KDM2A: variants seen among roughly 807,000 people sequenced by gnomAD.
KDM2A encodes lysine-specific demethylase 2A.
Under a neutral mutation model 137.3 loss-of-function variants are expected in KDM2A, and 3 were observed. That is an observed-to-expected ratio of 0.02 (90% CI 0.01 to 0.06). The LOEUF (loss-of-function observed/expected upper bound fraction) is 0.06. KDM2A is among the 10% of genes least tolerant of loss of function. The probability of loss-of-function intolerance (pLI) is 1.00; values close to 1 mark genes in which losing one functional copy is unlikely to be tolerated. For missense variants in KDM2A, 738 were observed against 1,510.6 expected (o/e 0.49, Z 8.48); for synonymous variants, 512 against 541.5 (o/e 0.95, Z 0.76).
chr11:67,200,119 A>C (rs1459174155), intron 5 of KDM2A, among the ~76,000 whole-genome samples: 1 of 151,810 alleles, frequency 6.6e-6, no homozygotes, highest in Admixed American at 6.6e-5. Context: ...TGCTCAGGAA[A>C]AAAGGTTCCT....
intron 2 of KDM2A, among the ~76,000 whole-genome samples, chr11:67,145,921 G>A (rs1012766546): frequency 5.3e-5 from 8 of 149,684 alleles, no homozygotes; most frequent in African/African-American, 9.8e-5. Flanking sequence ...AACTGTATCC[G>A]GGAGATTTTC....
At chr11:67,252,886 C>T (rs1859477696) in intron 18 of KDM2A, 29 bp downstream of exon 18, 1 of 1,580,742 alleles carries the variant, frequency 6.3e-7, no homozygotes, top group African/African-American at 1.4e-5. Context: ...CGCTGTCTTT[C>T]CAGGGGCCCA....
intron 10 of KDM2A, among the ~76,000 whole-genome samples, chr11:67,221,072 AGGCAGCAGGCCAAATCC>A: frequency 6.6e-6 from 1 of 152,028 alleles, no homozygotes; most frequent in African/African-American, 2.4e-5. Flanking sequence ...TCATAAAAAG[AGGCAGCAGGCCAAATCC>A]ACTAAGTGTT....
intron 2 of KDM2A, among the ~76,000 whole-genome samples, chr11:67,126,792 G>A (rs1163230522): frequency 6.6e-6 from 1 of 152,090 alleles, no homozygotes; most frequent in Non-Finnish European, 1.5e-5. Context: ...TTTGAAGATG[G>A]TGTGTATGTG....
intron 2 of KDM2A, among the ~76,000 whole-genome samples, chr11:67,141,020 T>C (rs1043842589): frequency 3.3e-5 from 5 of 152,148 alleles, no homozygotes; most frequent in African/African-American, 7.2e-5. Flanking sequence ...AAGTCAAAGG[T>C]TGATAAATAC....
At chr11:67,146,283 G>A (rs970986755) in intron 2 of KDM2A, among the ~76,000 whole-genome samples, 9 of 151,818 alleles carry the variant, frequency 5.9e-5, no homozygotes, top group Non-Finnish European at 2.9e-5. Flanking sequence ...ATGAGCCACC[G>A]CACCTGGCCC....
At chr11:67,215,822 C>G (rs753030722) in intron 7 of KDM2A, 34 bp from the exon 8 acceptor site, 2 of 1,528,506 alleles carry the variant, frequency 1.3e-6, no homozygotes, top group South Asian at 1.1e-5. Flanking sequence ...TTTTTTCCAT[C>G]AGTACACTAA....
chr11:67,232,345 A>G (rs1858741658), intron 12 of KDM2A, among the ~76,000 whole-genome samples: 1 of 152,236 alleles, frequency 6.6e-6, no homozygotes, highest in Non-Finnish European at 1.5e-5. Context: ...ATTGAGAGAA[A>G]TGAAATTGTT....
Position 67,257,666 on chromosome 11 carries a change from T to C in KDM2A, c.*2611T>C, listed in dbSNP as rs1446670928. The C allele has an allele frequency of 3.3e-5, 5 of 152,266 alleles. No individual in the cohort carries two copies. The highest frequency in any genetic ancestry group is 1.3e-4 in the Admixed American group (2 of 15,280). The allele number at this position is 152,266 out of a possible 1,614,324, so 9.4% of individuals were successfully genotyped here. ...TAAATAAAACTCCTAAAGTCACTTA[T>C]GTTTAAAGGGTTTGGTTGTGTTTTT... On this transcript the variant is annotated 3_prime_UTR_variant, in exon 21 of 21. Transcript: ENST00000529006.
chr11:67,232,174 T>G (rs908207494), intron 12 of KDM2A, among the ~76,000 whole-genome samples: 6 of 152,244 alleles, frequency 3.9e-5, no homozygotes, highest in Admixed American at 3.9e-4. Context: ...ATGTGTTCAT[T>G]GAAGACTTAT....
In KDM2A at chr11:67,254,858, T is replaced by G; in HGVS notation, c.3308-16T>G. The G allele has an allele frequency of 1.2e-6, 2 of 1,611,834 alleles. No homozygotes were observed. The highest frequency in any genetic ancestry group is 1.7e-6 in the Non-Finnish European group (2 of 1,178,096). On this transcript the variant is annotated splice_polypyrimidine_tract_variant and intron_variant, in intron 20 of 20. Coordinates refer to ENST00000529006, the MANE Select transcript of KDM2A (RefSeq NM_012308.3). This position sits in a 1 kb window ranked among gnomAD's most constrained non-coding sequence, Gnocchi z 4.7. Reference sequence around the variant, plus strand: ...TGTGTATGTGAGCACTGTCATTATGTCCACTTTCCCGACAGGTTGCAATAA... The same window carrying G: ...TGTGTATGTGAGCACTGTCATTATGGCCACTTTCCCGACAGGTTGCAATAA...
At chr11:67,170,542 A>G (rs2136325983) in intron 2 of KDM2A, among the ~76,000 whole-genome samples, 1 of 150,800 alleles carries the variant, frequency 6.6e-6, no homozygotes, top group East Asian at 2.0e-4. Flanking sequence ...CCTCCCGAGT[A>G]GCTGGGACTG....
chr11:67,252,188 C>G (rs1336222496), intron 17 of KDM2A: 1 of 165,268 alleles, frequency 6.1e-6, no homozygotes, highest in Admixed American at 5.7e-5. Context: ...TGACCTGATA[C>G]AGTAATGGGC....
At chr11:67,157,741 G>A (rs536809224) in intron 2 of KDM2A, among the ~76,000 whole-genome samples, 1 of 134,850 alleles carries the variant, frequency 7.4e-6, no homozygotes, top group East Asian at 2.2e-4. Flanking sequence ...GCAAGACTCC[G>A]TCTCCAAAAA....
intron 5 of KDM2A, among the ~76,000 whole-genome samples, chr11:67,201,299 TAAA>T (rs1332950852): frequency 6.6e-6 from 1 of 151,416 alleles, no homozygotes; most frequent in Non-Finnish European, 1.5e-5. Context: ...CTGGACCAAA[TAAA>T]TTGAAAAACA....
At chr11:67,240,700 C>T (rs1047215003) in intron 12 of KDM2A, among the ~76,000 whole-genome samples, 4 of 152,196 alleles carry the variant, frequency 2.6e-5, no homozygotes, top group Non-Finnish European at 5.9e-5. Context: ...CTTTCCCGCA[C>T]TCCACCCCCG....
At chr11:67,232,082 A>G (rs1565416482) in intron 12 of KDM2A, 122 bp downstream of exon 12, 1 of 898,320 alleles carries the variant, frequency 1.1e-6, no homozygotes, top group Non-Finnish European at 1.7e-6. Flanking sequence ...AGAAGTTAAT[A>G]TGCATGTGTG....
In KDM2A at chr11:67,217,788, C is replaced by T. The variant is rs777336448; in HGVS notation, c.745C>T (p.Leu249=). Residue 249 remains leucine (L), a synonymous_variant, in exon 9 of 21, where the codon CTG becomes TTG. Transcript: ENST00000529006. ...CCTGGAGCTGTACGAGAATTGGCTG[C>T]TGTCAGGGAAACAGGGAGACATCTT... ...HNLELYENWL[L]SGKQGDIFLG... The T allele has an allele frequency of 6.2e-7, 1 of 1,613,674 alleles. No homozygotes were observed. Among genetic ancestry groups the T allele is most frequent in the Non-Finnish European group, 8.5e-7 (1 of 1,179,782 alleles).
At chr11:67,180,002 G>T in intron 2 of KDM2A, 77 bp from the exon 3 acceptor site, 1 of 1,451,480 alleles carries the variant, frequency 6.9e-7, no homozygotes, top group Non-Finnish European at 9.3e-7. Context: ...CTTTGCACAT[G>T]TAGGGAAATC....
Sources: allele counts gnomAD v4.1 joint callset (sites outside exome capture counted in the v4.1 genomes callset), GRCh38; gene constraint gnomAD v4.1.1; non-coding constraint Gnocchi (gnomAD v3.1); transcripts MANE v1.5; gene names NCBI Gene and HGNC (gene_info 2026-07-23, HGNC 2026-07-21).